The following RNF216 variants were observed in gnomAD, a reference collection of about 807,000 sequenced individuals.
RNF216 encodes the protein E3 ubiquitin-protein ligase RNF216.
RNF216 carries 72 observed loss-of-function variants against 110.8 expected under a neutral mutation model. The ratio of observed to expected loss-of-function variants is 0.65; its 90% CI spans 0.54 to 0.79. RNF216 has a LOEUF of 0.79. Ranked by LOEUF, RNF216 falls within the 30% of genes least tolerant of loss-of-function variation. RNF216 has a pLI of 0.00. For missense variants in RNF216, 1,342 were observed against 1,141.2 expected, an observed-to-expected ratio of 1.18 and a Z score of -2.54; for synonymous variants, 495 against 407.5, an observed-to-expected ratio of 1.21 and a Z score of -2.59.
intron 13 of RNF216, among the ~76,000 whole-genome samples, chr7:5,670,026 G>A (rs559012423): frequency 5.3e-5 from 8 of 151,738 alleles, no homozygotes; most frequent in South Asian, 2.1e-4. Flanking sequence ...TCCCAAGTTC[G>A]AGCAATTCTC....
intron 13 of RNF216, among the ~76,000 whole-genome samples, chr7:5,677,616 C>G (rs1790386666): frequency 6.6e-6 from 1 of 152,126 alleles, no homozygotes; most frequent in African/African-American, 2.4e-5. Context: ...TTAGCATCCT[C>G]AGATTGGAAA....
In RNF216 at chr7:5,669,687, G is replaced by A. The variant is rs182465460; in HGVS notation, c.2062-17177C>T. 1.1e-4 allele frequency among the ~76,000 whole-genome samples: 16 copies of A among 152,266 alleles called. No homozygotes were observed. In the East Asian group the frequency reaches 2.5e-3, roughly 24 times the overall value. ...GTGGGCGGATCACTTGAGGTCAGGA[G>A]TTTTGAGACCAGCCTGGCCAACATG... is the stretch of plus-strand genomic sequence containing the variant. On this transcript the variant is annotated intron_variant, in intron 13 of 16. Coordinates refer to ENST00000389902, the MANE Select transcript of RNF216 (RefSeq NM_207111.4).
intron 1 of RNF216, among the ~76,000 whole-genome samples, chr7:5,776,456 G>C (rs1353199276): frequency 6.6e-6 from 1 of 151,474 alleles, no homozygotes; most frequent in East Asian, 1.9e-4. Context: ...TTAGCCAGGC[G>C]TGGTGGCGGG....
intron 13 of RNF216, among the ~76,000 whole-genome samples, chr7:5,705,016 AC>A (rs1203779289): frequency 3.9e-5 from 6 of 152,200 alleles, no homozygotes; most frequent in African/African-American, 1.4e-4. Context: ...GAAAAAACAT[AC>A]TTTAAACTTA....
At chr7:5,735,676 G>A (rs558581036) in intron 5 of RNF216, among the ~76,000 whole-genome samples, 2 of 152,278 alleles carry the variant, frequency 1.3e-5, no homozygotes, top group South Asian at 4.1e-4. Flanking sequence ...TGGGAGAAGA[G>A]TTACAGAAGA....
intron 5 of RNF216, among the ~76,000 whole-genome samples, chr7:5,738,109 A>G (rs1207829060): frequency 1.0e-5 from 1 of 95,376 alleles, no homozygotes; most frequent in East Asian, 3.1e-4. Flanking sequence ...AAAAAAAAAA[A>G]AAAAAAAATT....
At chr7:5,709,076 T>G (rs999378192) in intron 13 of RNF216, among the ~76,000 whole-genome samples, 33 of 152,166 alleles carry the variant, frequency 2.2e-4, no homozygotes, top group African/African-American at 7.7e-4. Flanking sequence ...AAACCTAGAA[T>G]GCTGGACTCA....
At chr7:5,760,474 C>G in intron 2 of RNF216, 1 of 379,620 alleles carries the variant, frequency 2.6e-6, no homozygotes, top group Non-Finnish European at 5.4e-6. Flanking sequence ...CGAGATTACG[C>G]CATTGCACTC....
intron 14 of RNF216, among the ~76,000 whole-genome samples, chr7:5,644,398 T>C (rs1787925604): frequency 6.6e-6 from 1 of 152,182 alleles, no homozygotes; most frequent in African/African-American, 2.4e-5. Flanking sequence ...CGGTATCTTA[T>C]TATAGTTCTG....
chr7:5,722,540 G>A lies in RNF216; in HGVS notation c.1505-1368C>T, dbSNP rs1413097954. The stretch of plus-strand genomic sequence containing the variant: ...CGAGTAGCTGGGACTACAGGCGCCC[G>A]CCACCATGCCCGGCTAATTTTTTGT... On this transcript the variant is annotated intron_variant, in intron 8 of 16. Transcript: ENST00000389902. Among the ~76,000 whole-genome samples the A allele has an allele frequency of 5.9e-5, 9 of 151,558 alleles. No homozygotes were observed. In the South Asian group the frequency reaches 1.7e-3, roughly 28 times the overall value.
In RNF216 at chr7:5,624,805, G is replaced by A. The variant is rs532307715; in HGVS notation, c.2383-680C>T. 6.6e-6 allele frequency among the ~76,000 whole-genome samples: 1 copy of A among 152,334 alleles called. No homozygotes were observed. The highest frequency in any genetic ancestry group is 1.9e-4 in the East Asian group (1 of 5,182). ...AGGCACTGTGAGTGCAGGCAGATGT[G>A]GGAGCTGTGCTGGGAAACTCAGGGG... On this transcript the variant is annotated intron_variant, in intron 15 of 16. Coordinates refer to ENST00000389902, the MANE Select transcript of RNF216 (RefSeq NM_207111.4). The surrounding 1 kb of genome is among the most constrained non-coding windows in gnomAD (Gnocchi z 4.4).
chr7:5,647,506 A>G (rs1025502797), intron 14 of RNF216, among the ~76,000 whole-genome samples: 1 of 151,212 alleles, frequency 6.6e-6, no homozygotes, highest in Non-Finnish European at 1.5e-5. Flanking sequence ...GCTAATTTTT[A>G]GATTTTCTGT....
intron 13 of RNF216, among the ~76,000 whole-genome samples, chr7:5,703,188 T>C (rs1207688336): frequency 5.3e-5 from 8 of 152,240 alleles, no homozygotes; most frequent in Admixed American, 6.5e-5. Flanking sequence ...TCCTCATTTG[T>C]GGGCTTAAAA....
chr7:5,637,659 G>A (rs1023414448), intron 15 of RNF216, among the ~76,000 whole-genome samples: 2 of 152,144 alleles, frequency 1.3e-5, no homozygotes, highest in African/African-American at 4.8e-5. Context: ...CAATCGCCCT[G>A]GAAGGAGCTG....
At chr7:5,689,074 TG>T (rs1490306040) in intron 13 of RNF216, among the ~76,000 whole-genome samples, 2 of 152,022 alleles carry the variant, frequency 1.3e-5, no homozygotes, top group Non-Finnish European at 2.9e-5. Context: ...GCCGATTCTG[TG>T]AAACAAAATG....
intron 13 of RNF216, among the ~76,000 whole-genome samples, chr7:5,709,483 C>A (rs746089255): frequency 2.0e-5 from 3 of 152,200 alleles, no homozygotes; most frequent in Admixed American, 1.3e-4. Context: ...GGAGCTTTCT[C>A]TTCTGTCATC....
intron 13 of RNF216, among the ~76,000 whole-genome samples, chr7:5,663,686 G>C (rs975459064): frequency 5.3e-5 from 8 of 150,852 alleles, no homozygotes; most frequent in Non-Finnish European, 7.4e-5. Context: ...AGGTCACGAG[G>C]TCAGGAGTTC....
Position 5,623,999 on chromosome 7 carries a change from G to A in RNF216, c.2452+57C>T, listed in dbSNP as rs573156641. The A allele has an allele frequency of 8.1e-6, 12 of 1,488,162 alleles. No individual in the cohort carries two copies. The African/African-American group carries it at 1.6e-4, about 20-fold the overall frequency. 92.2% of individuals were successfully genotyped at this position (1,488,162 alleles called of 1,614,324 possible). A position where few individuals can be genotyped will look rare whatever the true frequency, so the allele number is the denominator to read the frequency against. The stretch of plus-strand genomic sequence containing the variant: ...GCCAGGACACTCAGGGAGGCCAGCA[G>A]AAGCCTGCATGGCCTGGCTGCTGCT... On this transcript the variant is annotated intron_variant, in intron 16 of 16. Coordinates refer to ENST00000389902, the MANE Select transcript of RNF216 (RefSeq NM_207111.4).
At chr7:5,758,306 G>C (rs1795754101) in intron 2 of RNF216, among the ~76,000 whole-genome samples, 1 of 152,162 alleles carries the variant, frequency 6.6e-6, no homozygotes, top group African/African-American at 2.4e-5. Context: ...TACCAAGTTA[G>C]AATACATTAT....
Sources: gnomAD v4.1 joint callset for allele counts (sites outside exome capture counted in the v4.1 genomes callset) on GRCh38, gnomAD v4.1.1 for gene constraint, Gnocchi (gnomAD v3.1) non-coding constraint, MANE v1.5 for transcripts, NCBI Gene and HGNC (gene_info 2026-07-23, HGNC 2026-07-21) for gene names.